APBB2: variants seen among roughly 807,000 people sequenced by gnomAD.
The protein encoded by APBB2 is Fe65-like 1.
In APBB2, 38 loss-of-function variants were observed where a neutral mutation model predicts 82.5. The ratio of observed to expected loss-of-function variants is 0.46; its 90% CI spans 0.36 to 0.60. APBB2 has a LOEUF of 0.60. APBB2 is among the 20% of genes least tolerant of loss of function. The probability of loss-of-function intolerance (pLI) is 0.00; values close to 1 mark genes in which losing one functional copy is unlikely to be tolerated. For synonymous variants in APBB2, 341 were observed against 368.2 expected, an observed-to-expected ratio of 0.93 and a Z score of 0.85; for missense variants, 772 against 972.3, an observed-to-expected ratio of 0.79 and a Z score of 2.74.
At position 40,815,895 on chromosome 4, in the gene APBB2, A is replaced by G; in HGVS notation, c.*197T>C. ...CATGATGTAACTTACAGCAAAAAAA[A>G]TTATTCATGCTTCTTTTCATATCAC... On this transcript the variant is annotated 3_prime_UTR_variant, in exon 18 of 18. Coordinates refer to ENST00000508593, the MANE Select transcript of APBB2 (RefSeq NM_004307.2). 1.6e-6 allele frequency: 1 copy of G among 616,736 alleles called. No homozygotes were observed. The highest frequency in any genetic ancestry group is 2.8e-6 in the Non-Finnish European group (1 of 359,740). 38.2% of individuals were successfully genotyped at this position (616,736 alleles called of 1,614,324 possible).
At chr4:41,085,104 A>C (rs992033328) in intron 3 of APBB2, among the ~76,000 whole-genome samples, 35 of 152,112 alleles carry the variant, frequency 2.3e-4, no homozygotes, top group Admixed American at 2.3e-3. Context: ...CAAAAAAATT[A>C]GCTGGGCGTG....
intron 6 of APBB2, among the ~76,000 whole-genome samples, chr4:40,948,093 A>T (rs563858882): frequency 6.6e-6 from 1 of 152,334 alleles, no homozygotes; most frequent in South Asian, 2.1e-4. Context: ...TCATGGATAA[A>T]AAAAAATATA....
intron 6 of APBB2, among the ~76,000 whole-genome samples, chr4:40,987,704 G>A (rs959358245): frequency 2.6e-5 from 4 of 152,078 alleles, no homozygotes; most frequent in Admixed American, 6.5e-5. Context: ...GAAGAGCTTC[G>A]GTAAGTAGAT....
At chr4:41,076,888 A>C (rs1053107186) in intron 3 of APBB2, among the ~76,000 whole-genome samples, 2 of 152,182 alleles carry the variant, frequency 1.3e-5, no homozygotes, top group African/African-American at 4.8e-5. Flanking sequence ...GAACAAGAAA[A>C]AGCTCCTAGA....
intron 4 of APBB2, among the ~76,000 whole-genome samples, chr4:41,058,264 G>A (rs562127597): frequency 2.0e-5 from 3 of 151,518 alleles, no homozygotes; most frequent in South Asian, 4.2e-4. Flanking sequence ...TCTCTACCCT[G>A]GAAGTAGCGA....
chr4:41,049,894 T>A (rs1725309561), intron 4 of APBB2, among the ~76,000 whole-genome samples: 1 of 152,120 alleles, frequency 6.6e-6, no homozygotes, highest in African/African-American at 2.4e-5. Flanking sequence ...CAAGATGTGC[T>A]TTGTTAAACA....
chr4:40,819,880 G>A (rs1031068490), intron 17 of APBB2, among the ~76,000 whole-genome samples: 3 of 152,020 alleles, frequency 2.0e-5, no homozygotes, highest in Admixed American at 1.3e-4. Context: ...TGGTGCCATC[G>A]TAGCTCACTG....
chr4:40,907,320 G>A (rs1777029388), intron 10 of APBB2, among the ~76,000 whole-genome samples: 1 of 130,776 alleles, frequency 7.6e-6, no homozygotes, highest in South Asian at 2.4e-4. Context: ...GGACTGATAT[G>A]CTTTATTTAA....
At chr4:41,019,673 C>T (rs1314158189) in intron 5 of APBB2, among the ~76,000 whole-genome samples, 1 of 152,030 alleles carries the variant, frequency 6.6e-6, no homozygotes, top group East Asian at 1.9e-4. Context: ...CAGGGGACTG[C>T]ACAGTAGAAA....
chr4:41,094,829 T>C (rs914752213), intron 3 of APBB2, among the ~76,000 whole-genome samples: 20 of 152,222 alleles, frequency 1.3e-4, no homozygotes, highest in African/African-American at 4.6e-4. Flanking sequence ...CCTCCCAAAG[T>C]GCTGGGATTA....
At chr4:41,178,129 T>C (rs1770325504) in intron 1 of APBB2, among the ~76,000 whole-genome samples, 1 of 152,164 alleles carries the variant, frequency 6.6e-6, no homozygotes, top group Non-Finnish European at 1.5e-5. Flanking sequence ...ATGCAAACCA[T>C]ATAAACATCA....
chr4:40,943,811 A>C (rs1787653842), intron 7 of APBB2, among the ~76,000 whole-genome samples: 1 of 152,184 alleles, frequency 6.6e-6, no homozygotes, highest in South Asian at 2.1e-4. Flanking sequence ...CCTACCAATG[A>C]GGGTATGGCT....
chr4:40,924,466 G>A (rs533473770), intron 10 of APBB2, among the ~76,000 whole-genome samples: 3 of 152,290 alleles, frequency 2.0e-5, no homozygotes, highest in Admixed American at 2.0e-4. Flanking sequence ...ACAGAATACG[G>A]TGGAAGTGAC....
intron 13 of APBB2, among the ~76,000 whole-genome samples, chr4:40,830,165 G>C (rs1751375568): frequency 6.7e-6 from 1 of 149,768 alleles, no homozygotes; most frequent in Non-Finnish European, 1.5e-5. Context: ...AGCGATGCCT[G>C]CCCTGCAGCA....
chr4:41,023,397 T>C (rs374697483), intron 5 of APBB2, among the ~76,000 whole-genome samples: 12 of 152,298 alleles, frequency 7.9e-5, no homozygotes, highest in African/African-American at 2.9e-4. Flanking sequence ...AACAGCTTCA[T>C]TGAGATATAA....
At chr4:41,138,711 T>C (rs376412878) in intron 2 of APBB2, among the ~76,000 whole-genome samples, 43 of 152,186 alleles carry the variant, frequency 2.8e-4, no homozygotes, top group African/African-American at 1.0e-3. Flanking sequence ...CACATAACTT[T>C]GTATTTCTCA....
At chr4:40,942,848 G>A (rs905053130) in intron 7 of APBB2, among the ~76,000 whole-genome samples, 2 of 152,182 alleles carry the variant, frequency 1.3e-5, no homozygotes, top group African/African-American at 4.8e-5. Context: ...CACCTGTGCT[G>A]CATTCTTCCC....
intron 2 of APBB2, among the ~76,000 whole-genome samples, chr4:41,120,342 C>T (rs561117298): frequency 4.6e-5 from 7 of 152,266 alleles, no homozygotes; most frequent in Non-Finnish European, 4.4e-5. Flanking sequence ...ACCCAGGTCC[C>T]GCTGTGTTAA....
intron 10 of APBB2, among the ~76,000 whole-genome samples, chr4:40,927,261 A>G (rs1312311522): frequency 6.6e-6 from 1 of 152,216 alleles, no homozygotes; most frequent in Admixed American, 6.5e-5. Context: ...ACCTCTCCTG[A>G]CAAATATATT....
Sources: allele counts gnomAD v4.1 joint callset (sites outside exome capture counted in the v4.1 genomes callset), GRCh38; gene constraint gnomAD v4.1.1; transcripts MANE v1.5; gene names NCBI Gene and HGNC (gene_info 2026-07-23, HGNC 2026-07-21).